NAALADL2: variants seen among roughly 807,000 people sequenced by gnomAD.
NAALADL2 encodes the protein inactive N-acetylated-alpha-linked acidic dipeptidase-like protein 2.
In NAALADL2, 76 loss-of-function variants were observed where a neutral mutation model predicts 87.2. That is an observed-to-expected ratio of 0.87 (90% CI 0.72 to 1.05). The LOEUF (loss-of-function observed/expected upper bound fraction) is 1.05, where lower values mean the gene tolerates loss of function less well. NAALADL2 is among the 50% of genes least tolerant of loss of function. The pLI, the probability that NAALADL2 is intolerant of heterozygous loss-of-function variation, is 0.00. For synonymous variants in NAALADL2, 354 were observed against 331.0 expected (o/e 1.07, Z -0.75); for missense variants, 1,089 against 945.8 (o/e 1.15, Z -1.99).
intron 3 of NAALADL2, among the ~76,000 whole-genome samples, chr3:174,765,102 A>G (rs1362151960): frequency 6.6e-6 from 1 of 150,456 alleles, no homozygotes; most frequent in Non-Finnish European, 1.5e-5. Flanking sequence ...TGGATAAAAT[A>G]CACACAGAAA....
chr3:175,255,569 A>G (rs1248035928), intron 3 of NAALADL2, among the ~76,000 whole-genome samples: 1 of 152,196 alleles, frequency 6.6e-6, no homozygotes, highest in African/African-American at 2.4e-5. Context: ...TGTTTTAATA[A>G]TAAATAGATA....
chr3:174,679,027 A>T (rs1256048971), intron 2 of NAALADL2, among the ~76,000 whole-genome samples: 1 of 152,054 alleles, frequency 6.6e-6, no homozygotes, highest in Non-Finnish European at 1.5e-5. Context: ...CTAGATACGA[A>T]TTTCTGTTTA....
At chr3:175,114,446 A>G (rs1724754260) in intron 2 of NAALADL2, among the ~76,000 whole-genome samples, 1 of 151,708 alleles carries the variant, frequency 6.6e-6, no homozygotes, top group Non-Finnish European at 1.5e-5. Flanking sequence ...GGGAATGTGT[A>G]TTATTACGCT....
At chr3:175,054,410 G>A (rs1038548212) in intron 1 of NAALADL2, among the ~76,000 whole-genome samples, 1 of 152,160 alleles carries the variant, frequency 6.6e-6, no homozygotes, top group Non-Finnish European at 1.5e-5. Flanking sequence ...GCAGGAGAAG[G>A]CAATCCTGGC....
chr3:175,218,109 C>T (rs1246191252), intron 2 of NAALADL2: 1 of 442,704 alleles, frequency 2.3e-6, no homozygotes, highest in Non-Finnish European at 4.5e-6. Flanking sequence ...AATGGTGTGG[C>T]TTGATGAAAT....
At chr3:174,984,118 A>AAAC (rs1553910369) in intron 1 of NAALADL2, among the ~76,000 whole-genome samples, 4 of 152,306 alleles carry the variant, frequency 2.6e-5, no homozygotes, top group East Asian at 1.9e-4. Flanking sequence ...GTTTTAAAAA[A>AAAC]ACACACACAC....
intron 2 of NAALADL2, among the ~76,000 whole-genome samples, chr3:174,589,351 T>C (rs77336528): frequency 2.0e-5 from 3 of 152,204 alleles, no homozygotes; most frequent in African/African-American, 7.2e-5. Context: ...CTGCCTTGCT[T>C]CAGCTCACGC....
chr3:174,595,980 C>T (rs1717860363), intron 2 of NAALADL2, among the ~76,000 whole-genome samples: 1 of 152,090 alleles, frequency 6.6e-6, no homozygotes, highest in Non-Finnish European at 1.5e-5. Flanking sequence ...CCATTGCACT[C>T]CAGCCTGGGC....
chr3:175,641,555 A>G (rs2151610), intron 11 of NAALADL2, among the ~76,000 whole-genome samples: 40,775 of 152,076 alleles, frequency 0.27, 6,365 homozygotes, highest in African/African-American at 0.44. Context: ...GAATAAACAA[A>G]AACAATGTGA....
At chr3:175,013,219 A>T (rs1385751805) in intron 1 of NAALADL2, among the ~76,000 whole-genome samples, 3 of 116,444 alleles carry the variant, frequency 2.6e-5, no homozygotes, top group Non-Finnish European at 3.5e-5. Context: ...ATATATATTT[A>T]TATATAAATA....
At chr3:175,260,516 C>T (rs1198812860) in intron 4 of NAALADL2, among the ~76,000 whole-genome samples, 2 of 152,120 alleles carry the variant, frequency 1.3e-5, no homozygotes, top group Admixed American at 1.3e-4. Flanking sequence ...GATTACGGCC[C>T]AATTTGCTTC....
At chr3:175,040,105 C>A (rs750923151) in intron 1 of NAALADL2, among the ~76,000 whole-genome samples, 1 of 152,182 alleles carries the variant, frequency 6.6e-6, no homozygotes, top group African/African-American at 2.4e-5. Flanking sequence ...AATCTGTCTA[C>A]TTAGCATCAT....
In NAALADL2 at chr3:174,655,077, G is replaced by A. The variant is rs575503691; in HGVS notation, c.-114-82564G>A. 6.6e-5 allele frequency among the ~76,000 whole-genome samples: 10 copies of A among 152,212 alleles called. No individual in the cohort carries two copies. In the East Asian group the frequency reaches 1.9e-3, roughly 29 times the overall value. On this transcript the variant is annotated intron_variant, in intron 2 of 3. Transcript: ENST00000434257. ...TTAACCAAACCTTGTACTGCAGTGT[G>A]ACTGCATGCATATTTATTTTTTAGA...
chr3:175,122,989 G>A (rs962556224), intron 2 of NAALADL2, among the ~76,000 whole-genome samples: 13 of 151,914 alleles, frequency 8.6e-5, no homozygotes, highest in African/African-American at 2.7e-4. Flanking sequence ...TTTTTATAAG[G>A]AACCCATTCC....
intron 10 of NAALADL2, among the ~76,000 whole-genome samples, chr3:175,606,709 G>A (rs976093259): frequency 2.0e-5 from 3 of 152,000 alleles, no homozygotes; most frequent in East Asian, 1.9e-4. Flanking sequence ...ATCATGATTC[G>A]CTTCTACTTG....
chr3:175,637,342 C>T (rs1322714896), intron 11 of NAALADL2, among the ~76,000 whole-genome samples: 1 of 152,196 alleles, frequency 6.6e-6, no homozygotes, highest in Non-Finnish European at 1.5e-5. Context: ...AAAAATTTCT[C>T]TTTGTCATAC....
At chr3:175,094,357 A>C (rs1720729418) in intron 1 of NAALADL2, among the ~76,000 whole-genome samples, 1 of 152,084 alleles carries the variant, frequency 6.6e-6, no homozygotes, top group South Asian at 2.1e-4. Context: ...GCACATTAAA[A>C]TAAATTGGTT....
At chr3:175,153,955 T>C (rs1468870438) in intron 2 of NAALADL2, among the ~76,000 whole-genome samples, 3 of 152,266 alleles carry the variant, frequency 2.0e-5, no homozygotes, top group East Asian at 3.9e-4. Flanking sequence ...TGTGAAACTG[T>C]AAAGCAATTA....
intron 2 of NAALADL2, among the ~76,000 whole-genome samples, chr3:175,207,777 G>GA (rs1560166258): frequency 1.3e-5 from 2 of 151,754 alleles, no homozygotes; most frequent in Non-Finnish European, 2.9e-5. Flanking sequence ...AAACATAACC[G>GA]AAAAAAAGGA....
Sources: allele counts gnomAD v4.1 joint callset (sites outside exome capture counted in the v4.1 genomes callset), GRCh38; gene constraint gnomAD v4.1.1; transcripts MANE v1.5; gene names NCBI Gene and HGNC (gene_info 2026-07-23, HGNC 2026-07-21).